Variants in CWC27 observed in about 807,000 individuals in gnomAD.
CWC27 encodes the protein spliceosome-associated protein CWC27 homolog.
In CWC27, 47 loss-of-function variants were observed where a neutral mutation model predicts 63.6. The ratio of observed to expected loss-of-function variants is 0.74; its 90% confidence interval spans 0.58 to 0.94. The LOEUF is 0.94. CWC27 is among the 40% of genes least tolerant of loss of function. CWC27 has a pLI of 0.00. For synonymous variants in CWC27, 175 were observed against 179.8 expected, an observed-to-expected ratio of 0.97 and a Z score of 0.22; for missense variants, 495 against 554.3, an observed-to-expected ratio of 0.89 and a Z score of 1.07.
chr5:64,851,782 C>T (rs1450842168), intron 10 of CWC27, among the ~76,000 whole-genome samples: 1 of 152,130 alleles, frequency 6.6e-6, no homozygotes, highest in South Asian at 2.1e-4. Context: ...AAGTAAAAAT[C>T]TTTACTCATT....
intron 10 of CWC27, among the ~76,000 whole-genome samples, chr5:64,879,284 A>T (rs1257204253): frequency 1.3e-5 from 2 of 151,976 alleles, no homozygotes; most frequent in Non-Finnish European, 2.9e-5. Flanking sequence ...TGGTATGTCT[A>T]GTGGAATTTT....
intron 2 of CWC27, among the ~76,000 whole-genome samples, chr5:64,780,156 A>G (rs111877770): frequency 2.0e-5 from 3 of 152,288 alleles, no homozygotes; most frequent in African/African-American, 7.2e-5. Flanking sequence ...ATGGAGTCAG[A>G]CAATATGTGA....
At chr5:64,840,480 A>T (rs1745803876) in intron 10 of CWC27, among the ~76,000 whole-genome samples, 1 of 143,464 alleles carries the variant, frequency 7.0e-6, no homozygotes, top group African/African-American at 2.6e-5. Flanking sequence ...ATGGAAAAAA[A>T]ACTTTTTTTC....
At chr5:64,971,309 T>C (rs1454106116) in intron 11 of CWC27, among the ~76,000 whole-genome samples, 1 of 152,206 alleles carries the variant, frequency 6.6e-6, no homozygotes, top group Non-Finnish European at 1.5e-5. Context: ...TGGCAGGTAA[T>C]TGGAATATCA....
In CWC27 at chr5:64,785,597, A is replaced by G; in HGVS notation, c.495+18A>G. On this transcript the variant is annotated intron_variant, in intron 5 of 13. Coordinates refer to ENST00000381070, the MANE Select transcript of CWC27 (RefSeq NM_005869.4). ...GCTGTGAGGTAGGAGCATGATTATT[A>G]CGAGATACAGCACTTACATTGTCGT... 2.1e-6 allele frequency: 3 copies of G among 1,445,920 alleles called. No homozygotes were observed. The highest frequency in any genetic ancestry group is 2.9e-6 in the Non-Finnish European group (3 of 1,036,636). 89.6% of individuals were successfully genotyped at this position (1,445,920 alleles called of 1,614,324 possible). A position where few individuals can be genotyped will look rare whatever the true frequency, so the allele number is the denominator to read the frequency against.
At chr5:64,926,584 A>G (rs1240214536) in intron 11 of CWC27, among the ~76,000 whole-genome samples, 1 of 152,134 alleles carries the variant, frequency 6.6e-6, no homozygotes, top group Non-Finnish European at 1.5e-5. Flanking sequence ...TCAGTCAATG[A>G]AGACGTAAAT....
At chr5:64,956,444 G>C (rs1435832980) in intron 11 of CWC27, among the ~76,000 whole-genome samples, 1 of 151,820 alleles carries the variant, frequency 6.6e-6, no homozygotes, top group Non-Finnish European at 1.5e-5. Context: ...ATTTCCTTTG[G>C]TTGTTATGTC....
intron 11 of CWC27, among the ~76,000 whole-genome samples, chr5:64,939,731 C>T (rs1211795359): frequency 6.6e-6 from 1 of 152,248 alleles, no homozygotes; most frequent in African/African-American, 2.4e-5. Flanking sequence ...CTTTTTCCCT[C>T]AGGTGCTCTG....
intron 11 of CWC27, among the ~76,000 whole-genome samples, chr5:64,927,870 G>A (rs1355759773): frequency 6.6e-6 from 1 of 152,102 alleles, no homozygotes; most frequent in African/African-American, 2.4e-5. Context: ...AAAGTCAGCA[G>A]TCAGCCGGGC....
At chr5:64,910,579 G>A (rs930911355) in intron 11 of CWC27, among the ~76,000 whole-genome samples, 5 of 152,326 alleles carry the variant, frequency 3.3e-5, no homozygotes, top group Middle Eastern at 3.4e-3. Flanking sequence ...GAGGCAGCAG[G>A]CCTTGCTGAG....
rs1243794421 is a variant in CWC27, at chr5:64,885,473, A to G, written c.969A>G (p.Leu323=). The G allele has an allele frequency of 6.8e-6, 11 of 1,609,522 alleles. No individual in the cohort carries two copies. The highest frequency in any genetic ancestry group is 8.5e-6 in the Non-Finnish European group (10 of 1,177,996). Residue 323 remains leucine (L), a synonymous_variant, in exon 11 of 14, where the codon TTA becomes TTG. Transcript: ENST00000381070. ...SEELRKEARQ[L]KRELLAAKQK... ...AGCTCAGAAAAGAAGCAAGACAATT[A>G]AAACGGGAACTCTTAGCAGCAAAAC...
intron 10 of CWC27, among the ~76,000 whole-genome samples, chr5:64,849,798 TTC>T (rs147510078): frequency 0.011 from 1,657 of 150,590 alleles, 32 homozygotes; most frequent in African/African-American, 0.035. Flanking sequence ...TGTGTGGCAG[TTC>T]TCTCTCTCTC....
intron 11 of CWC27, among the ~76,000 whole-genome samples, chr5:64,907,046 A>T (rs1356751596): frequency 1.3e-5 from 2 of 152,170 alleles, no homozygotes; most frequent in Non-Finnish European, 2.9e-5. Context: ...TGGTACCAGT[A>T]CCATGCTGTT....
chr5:64,858,137 CAAAAAAAAAA>C (rs529762534), intron 10 of CWC27, among the ~76,000 whole-genome samples: 6 of 23,086 alleles, frequency 2.6e-4, no homozygotes, highest in Admixed American at 2.5e-3. Flanking sequence ...GACTCCGTCT[CAAAAAAAAAA>C]AAAAAAAAAA....
At chr5:64,848,454 C>G (rs950769430) in intron 10 of CWC27, among the ~76,000 whole-genome samples, 1 of 131,310 alleles carries the variant, frequency 7.6e-6, no homozygotes, top group African/African-American at 3.0e-5. Flanking sequence ...TCCAGAAAAC[C>G]AAAGAGGAGG....
At chr5:64,843,473 G>A (rs1477109801) in intron 10 of CWC27, among the ~76,000 whole-genome samples, 1 of 152,146 alleles carries the variant, frequency 6.6e-6, no homozygotes, top group East Asian at 1.9e-4. Flanking sequence ...AAGTGTTAAT[G>A]CATTTTATTT....
At chr5:64,932,915 TAA>T (rs1206249666) in intron 11 of CWC27, among the ~76,000 whole-genome samples, 1 of 152,194 alleles carries the variant, frequency 6.6e-6, no homozygotes, top group Non-Finnish European at 1.5e-5. Flanking sequence ...CACTGCTACT[TAA>T]GTGATCTTCT....
intron 13 of CWC27, among the ~76,000 whole-genome samples, chr5:64,993,250 A>C (rs1198367301): frequency 6.6e-6 from 1 of 152,204 alleles, no homozygotes; most frequent in South Asian, 2.1e-4. Context: ...AAGGCTTGAC[A>C]TGTTACTCAA....
chr5:64,983,926 G>T (rs1003414490), intron 13 of CWC27, among the ~76,000 whole-genome samples: 4 of 152,134 alleles, frequency 2.6e-5, no homozygotes, highest in Non-Finnish European at 5.9e-5. Flanking sequence ...TGCCTCCCCA[G>T]GTTCAAGTGA....
Sources: gnomAD v4.1 joint callset for allele counts (sites outside exome capture counted in the v4.1 genomes callset) on GRCh38, gnomAD v4.1.1 for gene constraint, MANE v1.5 for transcripts, NCBI Gene and HGNC (gene_info 2026-07-23, HGNC 2026-07-21) for gene names.